Variants in ITPRID2 observed in about 807,000 individuals in gnomAD.
ITPRID2 encodes protein ITPRID2.
A neutral mutation model predicts 124.3 loss-of-function variants in ITPRID2; 60 were observed. The ratio of observed to expected loss-of-function variants is 0.48; its 90% confidence interval spans 0.39 to 0.60. The LOEUF (loss-of-function observed/expected upper bound fraction) is 0.60, where lower values mean the gene tolerates loss of function less well. ITPRID2 is among the 20% of genes least tolerant of loss of function. The pLI is 0.00. For synonymous variants in ITPRID2, 521 were observed against 542.9 expected (o/e 0.96, Z 0.56); for missense variants, 1,553 against 1,512.2 (o/e 1.03, Z -0.45).
rs937771049 is a variant in ITPRID2, at chr2:181,896,833, TA to T, written c.308-73del. 3 of 1,180,534 alleles carry T rather than the reference TA, an allele frequency of 2.5e-6. No homozygotes were observed. In the African/African-American group the frequency reaches 4.6e-5, roughly 18 times the overall value. The allele number at this position is 1,180,534 out of a possible 1,614,324, so 73.1% of individuals were successfully genotyped here. Reference sequence around the variant, plus strand: ...TATAAGATATTTTGCTGGGTGAATTTAACTAAAACAGTGATTTTATATGAGG... The same window carrying T: ...TATAAGATATTTTGCTGGGTGAATTTACTAAAACAGTGATTTTATATGAGG... On this transcript the variant is annotated intron_variant, in intron 3 of 17. Transcript: ENST00000431877. The surrounding 1 kb of genome is among the most constrained non-coding windows in gnomAD (Gnocchi z 4.3).
chr2:181,901,744 T>G lies in ITPRID2; in HGVS notation c.713-22T>G, dbSNP rs939404610. On this transcript the variant is annotated intron_variant, in intron 7 of 17. Transcript: ENST00000431877. ...TATATATATAAATATAAACATATCA[T>G]TAATATTGTTTCTTTTGGTAGGCCG... is the stretch of plus-strand genomic sequence containing the variant. 4 of 1,519,598 alleles carry G rather than the reference T, an allele frequency of 2.6e-6. No homozygotes were observed. In the African/African-American group the frequency reaches 5.6e-5, roughly 21 times the overall value. The allele number at this position is 1,519,598 out of a possible 1,614,324, so 94.1% of individuals were successfully genotyped here.
chr2:181,900,544 C>T (rs1692579153), intron 6 of ITPRID2, 152 bp from the exon 7 acceptor site: 1 of 628,530 alleles, frequency 1.6e-6, no homozygotes, highest in South Asian at 2.1e-5. Flanking sequence ...CATGTGTAAA[C>T]ATGGTAAAAT....
chr2:181,895,759 C>G (rs1032477900), intron 2 of ITPRID2, among the ~76,000 whole-genome samples: 1 of 151,956 alleles, frequency 6.6e-6, no homozygotes, highest in African/African-American at 2.4e-5. Context: ...AATGCCAATT[C>G]AAATCATTTG....
chr2:181,918,999 G>A (rs1694285150), intron 13 of ITPRID2, 117 bp downstream of exon 13: 1 of 1,337,856 alleles, frequency 7.5e-7, no homozygotes, highest in Non-Finnish European at 1.0e-6. Flanking sequence ...TATCTGTTTT[G>A]TGAACCAGTG....
At chr2:181,913,213 A>G (rs113255588) in intron 9 of ITPRID2, among the ~76,000 whole-genome samples, 8,166 of 152,042 alleles carry the variant, frequency 0.054, 338 homozygotes, top group South Asian at 0.1. Flanking sequence ...GACTACAGGC[A>G]CCCGCTACCA....
rs781377426 is a variant in ITPRID2, at chr2:181,901,900, C to A, written c.847C>A (p.Pro283Thr). The change falls in exon 8 of 18, where the codon CCT becomes ACT. Residue 283 changes from proline (P) to threonine (T), a missense_variant. Transcript: ENST00000431877. Reference protein sequence around the residue: ...SVTSNKETDPPPPLTRSNTAN... With the variant: ...SVTSNKETDPTPPLTRSNTAN... The stretch of plus-strand genomic sequence containing the variant: ...GACCTCTAACAAGGAGACAGACCCA[C>A]CTCCACCTTTAACTCGAAGTAACAC... 29 of 1,613,766 alleles carry A rather than the reference C, an allele frequency of 1.8e-5. No individual in the cohort carries two copies. The highest frequency in any genetic ancestry group is 2.2e-5 in the Non-Finnish European group (26 of 1,179,898).
chr2:181,902,612 C>T lies in ITPRID2; in HGVS notation c.1413+146C>T. On this transcript the variant is annotated intron_variant, in intron 8 of 17. Coordinates refer to ENST00000431877, the MANE Select transcript of ITPRID2 (RefSeq NM_001130445.3). This position sits in a 1 kb window ranked among gnomAD's most constrained non-coding sequence, Gnocchi z 4.4. ...ACTTTCCAGGTTTATGTTTCACAAA[C>T]CAAGAATTGGTCTCAGGATAATGTG... is the stretch of plus-strand genomic sequence containing the variant. 3.2e-6 allele frequency: 2 copies of T among 632,868 alleles called. No individual in the cohort carries two copies. Among genetic ancestry groups the T allele is most frequent in the African/African-American group, 1.9e-5 (1 of 53,820 alleles). The allele number at this position is 632,868 out of a possible 1,614,324, so 39.2% of individuals were successfully genotyped here.
intron 16 of ITPRID2, among the ~76,000 whole-genome samples, chr2:181,923,344 C>T (rs554006922): frequency 6.6e-5 from 10 of 152,284 alleles, no homozygotes; most frequent in African/African-American, 2.4e-4. Flanking sequence ...GTATTTCAAT[C>T]ATGTTGAATC....
At position 181,922,400 on chromosome 2, in the gene ITPRID2, A is replaced by G; in HGVS notation, c.3663A>G (p.Gln1221=). 1.2e-6 allele frequency: 2 copies of G among 1,610,810 alleles called. No individual in the cohort carries two copies. Among genetic ancestry groups the G allele is most frequent in the Non-Finnish European group, 1.7e-6 (2 of 1,177,968 alleles). Residue 1221 remains glutamine, a synonymous_variant, in exon 16 of 18, where the codon CAA becomes CAG. Coordinates refer to ENST00000431877, the MANE Select transcript of ITPRID2 (RefSeq NM_001130445.3). The part of the protein sequence containing the change: ...HKNVEQDELQ[Q]VIREIKESIV... The stretch of plus-strand genomic sequence containing the variant: ...ATGTGGAGCAAGATGAGTTGCAGCA[A>G]GTCATACGGGAGGTGGGTAAAATCT...
rs1477604154 is a variant in ITPRID2 at position 181,922,229 on chromosome 2, C to A, written c.3492C>A (p.Gly1164=). The A allele has an allele frequency of 6.2e-7, 1 of 1,614,258 alleles. No homozygotes were observed. The highest frequency in any genetic ancestry group is 8.5e-7 in the Non-Finnish European group (1 of 1,180,048). The change falls in exon 16 of 18, where the codon GGC becomes GGA. Residue 1164 remains glycine, a synonymous_variant. Transcript: ENST00000431877. ...ALTPTAPSRT[G]SVQTPPDLES... ...CGCCAACAGCTCCTTCTAGAACAGG[C>A]TCTGTGCAGACACCTCCAGATTTGG...
rs957876076 is a variant in ITPRID2 at position 181,919,151 on chromosome 2, C to A, written c.2994-145C>A. 1.2e-5 allele frequency: 11 copies of A among 941,482 alleles called. No homozygotes were observed. The highest frequency in any genetic ancestry group is 1.7e-5 in the African/African-American group (1 of 60,412). 58.3% of individuals were successfully genotyped at this position (941,482 alleles called of 1,614,324 possible). ...AGAAAGACTAATGTCCTTGTGGATA[C>A]ACCTATTGTAGTTGATATTGTACTA... On this transcript the variant is annotated intron_variant, in intron 13 of 17. Transcript: ENST00000431877. This position sits in a 1 kb window ranked among gnomAD's most constrained non-coding sequence, Gnocchi z 4.2.
At chr2:181,913,783 T>C (rs926463684) in intron 9 of ITPRID2, 62 bp from the exon 10 acceptor site, 12 of 1,224,980 alleles carry the variant, frequency 9.8e-6, no homozygotes, top group Non-Finnish European at 1.4e-5. Flanking sequence ...AGTAATTTCT[T>C]ATAGCCACTT....
In ITPRID2 at chr2:181,892,746, T is replaced by C; in HGVS notation, c.257+86T>C. On this transcript the variant is annotated intron_variant, in intron 2 of 17. Transcript: ENST00000431877. The surrounding 1 kb of genome is among the most constrained non-coding windows in gnomAD (Gnocchi z 5.2). ...CAGAGCCACTCGGGCCGCGTCCCTG[T>C]GGGTCCCGCGACCGTTGTAAGCTAC... The C allele has an allele frequency of 6.6e-7, 1 of 1,516,888 alleles. No homozygotes were observed. 94.0% of individuals were successfully genotyped at this position (1,516,888 alleles called of 1,614,324 possible).
In ITPRID2 at chr2:181,896,020, A is replaced by G. The variant is rs1345066287; in HGVS notation, c.258-10A>G. ...ACAAGACTAAGGCTTATACGTTTAT[A>G]TGGTTTCAGTACACCTTTGGGAGCC... On this transcript the variant is annotated splice_polypyrimidine_tract_variant and intron_variant, in intron 2 of 17. Coordinates refer to ENST00000431877, the MANE Select transcript of ITPRID2 (RefSeq NM_001130445.3). This position sits in a 1 kb window ranked among gnomAD's most constrained non-coding sequence, Gnocchi z 4.3. The G allele has an allele frequency of 1.9e-6, 3 of 1,612,064 alleles. No homozygotes were observed. Among genetic ancestry groups the G allele is most frequent in the Non-Finnish European group, 1.7e-6 (2 of 1,178,480 alleles).
chr2:181,899,508 C>T (rs766043534), intron 6 of ITPRID2, among the ~76,000 whole-genome samples: 3 of 152,098 alleles, frequency 2.0e-5, no homozygotes, highest in Non-Finnish European at 2.9e-5. Flanking sequence ...TTTAAGCATA[C>T]TTTTTTTCAA....
intron 9 of ITPRID2, among the ~76,000 whole-genome samples, chr2:181,912,956 T>C (rs1693723011): frequency 6.6e-6 from 1 of 152,244 alleles, no homozygotes; most frequent in Non-Finnish European, 1.5e-5. Flanking sequence ...TATGAAAGAA[T>C]TGTTTCATAC....
rs1461113194 is a variant in ITPRID2, at chr2:181,916,343, C to G, written c.2703C>G (p.Cys901Trp). The G allele has an allele frequency of 6.2e-7, 1 of 1,614,234 alleles. No homozygotes were observed. The highest frequency in any genetic ancestry group is 2.2e-5 in the East Asian group (1 of 44,884). Residue 901 changes from cysteine (C) to tryptophan (W), a missense_variant, in exon 11 of 18, where the codon TGC (cysteine) becomes TGG (tryptophan). Coordinates refer to ENST00000431877, the MANE Select transcript of ITPRID2 (RefSeq NM_001130445.3). Reference protein sequence around the residue: ...HRHATYPYRVCSVNPPSAIEM... With the variant: ...HRHATYPYRVWSVNPPSAIEM... ...ATGCCACCTACCCTTACCGAGTGTG[C>G]TCTGTGAATCCTCCTTCAGCCATAG...
In ITPRID2 at chr2:181,902,280, A is replaced by G. The variant is rs1284782698; in HGVS notation, c.1227A>G (p.Glu409=). The part of the protein sequence containing the change: ...TQSHESKLGE[E]SGIVESKLDS... ...GTCATGAGAGTAAACTGGGTGAGGA[A>G]TCTGGTATTGTAGAATCCAAATTAG... Residue 409 remains glutamate (E), a synonymous_variant, in exon 8 of 18, where the codon GAA becomes GAG. Transcript: ENST00000431877. This position sits in a 1 kb window ranked among gnomAD's most constrained non-coding sequence, Gnocchi z 4.4. The G allele has an allele frequency of 6.2e-7, 1 of 1,613,804 alleles. No individual in the cohort carries two copies. Among genetic ancestry groups the G allele is most frequent in the Non-Finnish European group, 8.5e-7 (1 of 1,179,858 alleles).
At position 181,916,321 on chromosome 2, in the gene ITPRID2, C is replaced by A; in HGVS notation, c.2681C>A (p.Ala894Asp). The change falls in exon 11 of 18, where the codon GCC becomes GAC. Residue 894 changes from alanine to aspartate, a missense_variant. Transcript: ENST00000431877. ...PFGCPYSHRH[A>D]TYPYRVCSVN... ...GGGTGTCCTTACTCACATAGACATGCCACCTACCCTTACCGAGTGTGCTCT... is the reference window on the plus strand; with the variant it reads ...GGGTGTCCTTACTCACATAGACATGACACCTACCCTTACCGAGTGTGCTCT... 6.2e-7 allele frequency: 1 copy of A among 1,614,240 alleles called. No individual in the cohort carries two copies. Among genetic ancestry groups the A allele is most frequent in the Non-Finnish European group, 8.5e-7 (1 of 1,180,042 alleles).
Sources: allele counts gnomAD v4.1 joint callset (sites outside exome capture counted in the v4.1 genomes callset), GRCh38; gene constraint gnomAD v4.1.1; non-coding constraint Gnocchi (gnomAD v3.1); transcripts MANE v1.5; gene names NCBI Gene and HGNC (gene_info 2026-07-23, HGNC 2026-07-21).